The following LIMS1 variants were observed in gnomAD, a reference collection of about 807,000 sequenced individuals.
The protein encoded by LIMS1 is LIM zinc finger domain containing 1.
Under a neutral mutation model 44.1 loss-of-function variants are expected in LIMS1, and 18 were observed. The ratio of observed to expected loss-of-function variants is 0.41; its 90% CI spans 0.28 to 0.61. The LOEUF is 0.61. Among genes scored for constraint, LIMS1 ranks in the 20% least tolerant of loss-of-function variants. The pLI is 0.32. For missense variants in LIMS1, 201 were observed against 422.0 expected (o/e 0.48, Z 4.59); for synonymous variants, 93 against 149.1 (o/e 0.62, Z 2.74).
intron 1 of LIMS1, among the ~76,000 whole-genome samples, chr2:108,627,579 A>T (rs1399453626): frequency 6.6e-6 from 1 of 152,184 alleles, no homozygotes; most frequent in Non-Finnish European, 1.5e-5. Flanking sequence ...GTTTTTAAAA[A>T]AGCAAACAAA....
At chr2:108,630,881 A>T (rs11885278) in intron 1 of LIMS1, among the ~76,000 whole-genome samples, 5 of 152,188 alleles carry the variant, frequency 3.3e-5, no homozygotes, top group African/African-American at 1.2e-4. Context: ...TTAAGCTTTC[A>T]TATTTTGTGT....
At chr2:108,663,363 T>TC (rs1691504536) in intron 2 of LIMS1, among the ~76,000 whole-genome samples, 2 of 152,222 alleles carry the variant, frequency 1.3e-5, no homozygotes, top group East Asian at 3.9e-4. Context: ...CTCAAGTGAT[T>TC]AGATGCCATT....
chr2:108,681,635 G>T (rs560326689), intron 9 of LIMS1: 4 of 943,976 alleles, frequency 4.2e-6, no homozygotes, highest in Middle Eastern at 5.5e-4. Flanking sequence ...AATTATTTCA[G>T]CATGGCGAGG....
intron 1 of LIMS1, among the ~76,000 whole-genome samples, chr2:108,634,937 CA>C (rs1689134879): frequency 6.6e-6 from 1 of 152,138 alleles, no homozygotes; most frequent in African/African-American, 2.4e-5. Context: ...GAGGACTGAC[CA>C]ATGGGTGTGT....
At chr2:108,545,850 C>G (rs1684464564) in intron 1 of LIMS1, among the ~76,000 whole-genome samples, 1 of 152,102 alleles carries the variant, frequency 6.6e-6, no homozygotes, top group Non-Finnish European at 1.5e-5. Flanking sequence ...GCCTCTGGAC[C>G]CCACTATGCA....
chr2:108,662,246 A>G, intron 2 of LIMS1: 2 of 1,612,058 alleles, frequency 1.2e-6, no homozygotes, highest in Non-Finnish European at 1.7e-6. Flanking sequence ...CATGATGGTT[A>G]AGCTACCTTC....
chr2:108,588,688 A>G (rs1686222043), intron 1 of LIMS1: 1 of 810,984 alleles, frequency 1.2e-6, no homozygotes, highest in African/African-American at 1.9e-5. Context: ...TTATTTAAGA[A>G]GCAAATCTAA....
intron 1 of LIMS1, among the ~76,000 whole-genome samples, chr2:108,593,233 T>G (rs1160742332): frequency 6.6e-6 from 1 of 152,152 alleles, no homozygotes; most frequent in African/African-American, 2.4e-5. Flanking sequence ...AGTCTCATGG[T>G]TTTTCTCTAC....
exon 5 of LIMS1, chr2:108,672,971 C>T (rs1384888785): frequency 3.3e-6 from 4 of 1,203,206 alleles, no homozygotes; most frequent in African/African-American, 1.7e-5. Flanking sequence ...CGATGAGCAG[C>T]CTCTGATATT....
intron 1 of LIMS1, among the ~76,000 whole-genome samples, chr2:108,577,719 G>A (rs1469519045): frequency 6.6e-6 from 1 of 152,098 alleles, no homozygotes; most frequent in Admixed American, 6.5e-5. Flanking sequence ...TTAAGAGAGA[G>A]AGAAAAAAGG....
rs1466615425 is a variant in LIMS1 at position 108,596,884 on chromosome 2, G to A, written c.32+62290G>A. ...GGAAATAGGAACTTGAAGTACTTGGGATGGTTCATTAATTTCCCTACGAAA... is the reference window on the plus strand; with the variant it reads ...GGAAATAGGAACTTGAAGTACTTGGAATGGTTCATTAATTTCCCTACGAAA... On this transcript the variant is annotated intron_variant, in intron 1 of 9. Coordinates refer to ENST00000544547, the Ensembl canonical transcript of LIMS1. Among the ~76,000 whole-genome samples the A allele has an allele frequency of 2.0e-5, 3 of 150,620 alleles. No individual in the cohort carries two copies. In the East Asian group the frequency reaches 5.9e-4, roughly 29 times the overall value.
rs1238344793 is a variant in LIMS1 at position 108,534,473 on chromosome 2, AGCCG to A, written c.-85_-82del. ...CCCTTCCTGCTCCGGGCCCGCCAGT[AGCCG>A]GCCGCGGCGGCGAGGGACTAGGACG... On this transcript the variant is annotated 5_prime_UTR_variant, in exon 1 of 10. Coordinates refer to ENST00000544547, the Ensembl canonical transcript of LIMS1. 2.3e-4 allele frequency: 233 copies of A among 1,032,574 alleles called. 1 individual carries two copies. In the South Asian group the frequency reaches 3.9e-3, roughly 17 times the overall value. The allele number at this position is 1,032,574 out of a possible 1,614,324, so 64.0% of individuals were successfully genotyped here. A position where few individuals can be genotyped will look rare whatever the true frequency, so the allele number is the denominator to read the frequency against.
intron 1 of LIMS1, among the ~76,000 whole-genome samples, chr2:108,629,864 G>A (rs1688796430): frequency 6.6e-6 from 1 of 152,168 alleles, no homozygotes; most frequent in Admixed American, 6.5e-5. Flanking sequence ...CATGGCAGCT[G>A]CAGAGGCGTC....
intron 1 of LIMS1, among the ~76,000 whole-genome samples, chr2:108,587,501 C>A (rs189282157): frequency 8.6e-5 from 13 of 151,908 alleles, no homozygotes; most frequent in African/African-American, 3.1e-4. Flanking sequence ...TGCACCTGGC[C>A]GTTTTCTTGT....
chr2:108,646,062 C>G (rs1036577628), intron 1 of LIMS1, among the ~76,000 whole-genome samples: 1 of 152,168 alleles, frequency 6.6e-6, no homozygotes, highest in Non-Finnish European at 1.5e-5. Flanking sequence ...GACTTTAACA[C>G]CCCACTGTCA....
chr2:108,619,471 G>T (rs1359085762), intron 1 of LIMS1, among the ~76,000 whole-genome samples: 1 of 151,932 alleles, frequency 6.6e-6, no homozygotes, highest in Non-Finnish European at 1.5e-5. Flanking sequence ...ATCACTTGAG[G>T]CTTGGAGTTC....
rs184892234 is a variant in LIMS1 at position 108,644,403 on chromosome 2, G to A, written c.33-15202G>A. On this transcript the variant is annotated intron_variant, in intron 1 of 9. Coordinates refer to ENST00000544547, the Ensembl canonical transcript of LIMS1. Reference sequence around the variant, plus strand: ...ACTCCAGCAGACCTGCAGCAGAGGGGCCTGACTGTTAGAAGGAAAACTAAC... The same window carrying A: ...ACTCCAGCAGACCTGCAGCAGAGGGACCTGACTGTTAGAAGGAAAACTAAC... Among the ~76,000 whole-genome samples the A allele has an allele frequency of 2.6e-5, 4 of 152,276 alleles. No homozygotes were observed. In the East Asian group the frequency reaches 7.7e-4, roughly 29 times the overall value.
intron 1 of LIMS1, among the ~76,000 whole-genome samples, chr2:108,640,188 A>G (rs754767283): frequency 1.8e-4 from 27 of 152,190 alleles, no homozygotes; most frequent in Admixed American, 3.3e-4. Flanking sequence ...AGGGAGTGTC[A>G]TGGAGAAAGG....
At chr2:108,606,445 G>T (rs961672976) in intron 1 of LIMS1, among the ~76,000 whole-genome samples, 1 of 152,158 alleles carries the variant, frequency 6.6e-6, no homozygotes, top group Non-Finnish European at 1.5e-5. Flanking sequence ...TGGAAGGGGG[G>T]CGGATTTCAG....
Sources: gnomAD v4.1 joint callset for allele counts (sites outside exome capture counted in the v4.1 genomes callset) on GRCh38, gnomAD v4.1.1 for gene constraint, MANE v1.5 for transcripts, NCBI Gene and HGNC (gene_info 2026-07-23, HGNC 2026-07-21) for gene names.